The following SRPK2 variants were observed in gnomAD, a reference collection of about 807,000 sequenced individuals.
SRPK2 encodes the protein SRSF protein kinase 2.
A neutral mutation model predicts 90.8 loss-of-function variants in SRPK2; 21 were observed. That is an observed-to-expected ratio of 0.23 (90% CI 0.16 to 0.33). SRPK2 has a LOEUF of 0.33. Among genes scored for constraint, SRPK2 ranks in the 10% least tolerant of loss-of-function variants. SRPK2 has a pLI of 1.00. For missense variants in SRPK2, 620 were observed against 869.0 expected (o/e 0.71, Z 3.60); for synonymous variants, 288 against 311.1 (o/e 0.93, Z 0.78).
At chr7:105,132,960 C>A in intron 12 of SRPK2, 44 bp downstream of exon 12, 1 of 1,613,256 alleles carries the variant, frequency 6.2e-7, no homozygotes, top group Non-Finnish European at 8.5e-7. Flanking sequence ...TGTCTTCGCA[C>A]ACAGAATCAA....
chr7:105,315,962 T>G (rs2131459662), intron 2 of SRPK2, among the ~76,000 whole-genome samples: 1 of 152,098 alleles, frequency 6.6e-6, no homozygotes, highest in African/African-American at 2.4e-5. Flanking sequence ...ATTATGAAAC[T>G]CCCAGCCTTT....
At chr7:105,115,670 T>C (rs1018342499), downstream of SRPK2, among the ~76,000 whole-genome samples, 6 of 152,194 alleles carry the variant, frequency 3.9e-5, no homozygotes, top group Non-Finnish European at 7.4e-5. Flanking sequence ...ATATTCCTTC[T>C]AGAACAACCG....
At chr7:105,332,514 A>G (rs1814545835) in intron 2 of SRPK2, among the ~76,000 whole-genome samples, 2 of 152,202 alleles carry the variant, frequency 1.3e-5, no homozygotes, top group Admixed American at 1.3e-4. Context: ...CTGTAATCTC[A>G]GCACTTTGTG....
At chr7:105,297,396 C>A in intron 2 of SRPK2, 1 of 909,798 alleles carries the variant, frequency 1.1e-6, no homozygotes, top group Non-Finnish European at 1.3e-6. Context: ...ATCACGTTTT[C>A]ACTATAAATT....
At chr7:105,197,692 C>T (rs1057453628) in intron 3 of SRPK2, among the ~76,000 whole-genome samples, 5 of 152,094 alleles carry the variant, frequency 3.3e-5, no homozygotes, top group African/African-American at 9.7e-5. Flanking sequence ...TGTACAATTC[C>T]ACACTATGAT....
intron 2 of SRPK2, among the ~76,000 whole-genome samples, chr7:105,215,441 C>G (rs1233479655): frequency 6.6e-6 from 1 of 152,176 alleles, no homozygotes; most frequent in Non-Finnish European, 1.5e-5. Flanking sequence ...CTAGCAGTAT[C>G]TCAGAAAGTA....
At chr7:105,168,204 G>C (rs1240040399) in intron 4 of SRPK2, 109 bp from the exon 5 acceptor site, 5 of 850,598 alleles carry the variant, frequency 5.9e-6, no homozygotes, top group Non-Finnish European at 9.1e-6. Flanking sequence ...TCCAAAATGC[G>C]CCAAAACCTA....
intron 2 of SRPK2, among the ~76,000 whole-genome samples, chr7:105,335,014 C>A (rs1297902960): frequency 6.6e-6 from 1 of 150,790 alleles, no homozygotes; most frequent in South Asian, 2.1e-4. Context: ...ACTACAAATA[C>A]AAAAAAATTA....
chr7:105,223,304 G>C (rs1745634099), intron 2 of SRPK2, among the ~76,000 whole-genome samples: 1 of 152,232 alleles, frequency 6.6e-6, no homozygotes, highest in African/African-American at 2.4e-5. Flanking sequence ...CTCCAAAGAG[G>C]CTCCTAATAG....
At chr7:105,335,325 G>C (rs1356597313) in intron 2 of SRPK2, among the ~76,000 whole-genome samples, 2 of 152,040 alleles carry the variant, frequency 1.3e-5, no homozygotes, top group Non-Finnish European at 2.9e-5. Context: ...AAAGAACTAT[G>C]AGCAAATAAT....
intron 2 of SRPK2, among the ~76,000 whole-genome samples, chr7:105,272,952 C>T (rs572700413): frequency 1.8e-3 from 267 of 152,204 alleles, no homozygotes; most frequent in Middle Eastern, 6.8e-3. Flanking sequence ...CGGTGGCTCA[C>T]GCCTGTAATC....
At chr7:105,197,755 T>C (rs1436697042) in intron 3 of SRPK2, among the ~76,000 whole-genome samples, 3 of 152,126 alleles carry the variant, frequency 2.0e-5, no homozygotes, top group Admixed American at 6.5e-5. Flanking sequence ...AGGGTCTGAT[T>C]AGAGGTCGAA....
intron 2 of SRPK2, chr7:105,245,106 G>T: frequency 1.6e-6 from 1 of 613,496 alleles, no homozygotes; most frequent in Non-Finnish European, 2.9e-6. Context: ...AACCAAGTGG[G>T]AAAGAAATAA....
chr7:105,394,340 A>G (rs185155460), upstream of SRPK2, among the ~76,000 whole-genome samples: 83 of 151,736 alleles, frequency 5.5e-4, 1 homozygote, highest in African/African-American at 1.8e-3. Context: ...ATGGGGTTTC[A>G]CCATATTGGC....
chr7:105,322,947 C>A lies in SRPK2; in HGVS notation c.71+65701G>T, dbSNP rs367946755. 3.3e-5 allele frequency among the ~76,000 whole-genome samples: 5 copies of A among 152,184 alleles called. No individual in the cohort carries two copies. In the East Asian group the frequency reaches 7.7e-4, roughly 24 times the overall value. On this transcript the variant is annotated intron_variant, in intron 2 of 15. Coordinates refer to ENST00000393651, the MANE Select transcript of SRPK2 (RefSeq NM_182692.3). ...GACACGGTGGCTCATGCTTGTAATC[C>A]CAGTACTTTGGGAGGCCCAGGTGGG...
intron 2 of SRPK2, among the ~76,000 whole-genome samples, chr7:105,255,534 C>T (rs1308038101): frequency 6.6e-6 from 1 of 152,152 alleles, no homozygotes; most frequent in Non-Finnish European, 1.5e-5. Context: ...GAAAACAGAA[C>T]ATTTTTCTAC....
intron 2 of SRPK2, among the ~76,000 whole-genome samples, chr7:105,303,798 A>C (rs1810848922): frequency 6.6e-6 from 1 of 152,214 alleles, no homozygotes; most frequent in Non-Finnish European, 1.5e-5. Context: ...TAATGGTTAC[A>C]TAGTAAAAAA....
At chr7:105,170,889 AAGAAAGAAAGAAAGAAAGAAAGAAAGGAG>A (rs1790869701) in intron 3 of SRPK2, among the ~76,000 whole-genome samples, 1 of 129,056 alleles carries the variant, frequency 7.7e-6, no homozygotes, top group Admixed American at 8.2e-5. Flanking sequence ...GAAAGAAAGA[AAGAAAGAAAGAAAGAAAGAAAGAAAGGAG>A]AAAGAAAAAG....
chr7:105,185,045 T>C (rs1258525536), intron 3 of SRPK2, among the ~76,000 whole-genome samples: 27 of 152,178 alleles, frequency 1.8e-4, no homozygotes, highest in Admixed American at 1.6e-3. Context: ...GTACGTGAAC[T>C]TGGACATTGT....
Sources: gnomAD v4.1 joint callset for allele counts (sites outside exome capture counted in the v4.1 genomes callset) on GRCh38, gnomAD v4.1.1 for gene constraint, MANE v1.5 for transcripts, NCBI Gene and HGNC (gene_info 2026-07-23, HGNC 2026-07-21) for gene names.